SREK1IP1: variants seen among roughly 807,000 people sequenced by gnomAD.
SREK1IP1 encodes the protein SREK1 interacting protein 1.
In SREK1IP1, 12 loss-of-function variants were observed where a neutral mutation model predicts 22.8. The observed-to-expected ratio is 0.53, with a 90% confidence interval of 0.34 to 0.85. The LOEUF (loss-of-function observed/expected upper bound fraction) is 0.85. Among genes scored for constraint, SREK1IP1 ranks in the 40% least tolerant of loss-of-function variants. The probability of loss-of-function intolerance (pLI) is 0.02; values close to 1 mark genes in which losing one functional copy is unlikely to be tolerated. For missense variants in SREK1IP1, 147 were observed against 171.8 expected, an observed-to-expected ratio of 0.86 and a Z score of 0.81; for synonymous variants, 53 against 52.7, an observed-to-expected ratio of 1.01 and a Z score of -0.02.
intron 1 of SREK1IP1, among the ~76,000 whole-genome samples, chr5:64,758,418 G>T (rs571927923): frequency 6.6e-6 from 1 of 151,476 alleles, no homozygotes; most frequent in South Asian, 2.1e-4. Flanking sequence ...TTTGAGCATT[G>T]TACTCTAATC....
At chr5:64,725,992 A>G (rs556756366) in intron 4 of SREK1IP1, among the ~76,000 whole-genome samples, 165 of 151,050 alleles carry the variant, frequency 1.1e-3, no homozygotes, top group African/African-American at 3.7e-3. Context: ...CAGCCTCCCA[A>G]GTAGCTGGGA....
At chr5:64,727,553 A>ATATATATATATTTTTTTTTTTTTTTT in intron 4 of SREK1IP1, 1 of 84,712 alleles carries the variant, frequency 1.2e-5, no homozygotes, top group African/African-American at 5.5e-5. Context: ...ATATATATAT[A>ATATATATATATTTTTTTTTTTTTTTT]TTTTTTTTTT....
chr5:64,765,155 G>A (rs994098937), intron 1 of SREK1IP1: 2 of 152,178 alleles, frequency 1.3e-5, no homozygotes, highest in African/African-American at 4.8e-5. Context: ...TTCAAAGAAA[G>A]TAAATTTCAC....
At chr5:64,733,694 T>C (rs1742413970) in intron 3 of SREK1IP1, among the ~76,000 whole-genome samples, 1 of 152,078 alleles carries the variant, frequency 6.6e-6, no homozygotes, top group Non-Finnish European at 1.5e-5. Context: ...TTCACCCAAA[T>C]CCTGTTTATA....
intron 1 of SREK1IP1, 31 bp from the exon 2 acceptor site, chr5:64,754,393 G>C: frequency 6.2e-7 from 1 of 1,602,132 alleles, no homozygotes; most frequent in South Asian, 1.1e-5. Context: ...ATTTTAGGAA[G>C]TAAATAAATA....
At chr5:64,737,511 A>T (rs1320973623) in intron 3 of SREK1IP1, among the ~76,000 whole-genome samples, 1 of 149,742 alleles carries the variant, frequency 6.7e-6, no homozygotes, top group Non-Finnish European at 1.5e-5. Context: ...TACTGTCAAA[A>T]AAAAAAAAAA....
chr5:64,757,909 G>A (rs1306326766), intron 1 of SREK1IP1, among the ~76,000 whole-genome samples: 14 of 112,224 alleles, frequency 1.2e-4, no homozygotes, highest in East Asian at 3.0e-4. Flanking sequence ...TGCCTCTGTC[G>A]CCCAGGCTGG....
In SREK1IP1 at chr5:64,722,075, T is replaced by C. The variant is rs1008206035; in HGVS notation, c.*2309A>G. ...TTAATTTTCTTCTAAAACATATTCA[T>C]GAGATTTGCATCCAATCTCAATAAT... On this transcript the variant is annotated 3_prime_UTR_variant, in exon 5 of 5. Transcript: ENST00000513458. 1.3e-5 allele frequency: 2 copies of C among 152,168 alleles called. No homozygotes were observed. Among genetic ancestry groups the C allele is most frequent in the African/African-American group, 4.8e-5 (2 of 41,438 alleles). The allele number at this position is 152,168 out of a possible 1,614,324, so 9.4% of individuals were successfully genotyped here.
chr5:64,742,626 A>AAT (rs1742569941), intron 2 of SREK1IP1, among the ~76,000 whole-genome samples: 2 of 152,142 alleles, frequency 1.3e-5, no homozygotes, highest in Admixed American at 1.3e-4. Flanking sequence ...AGACTCTCTA[A>AAT]ATAGAGTTCC....
chr5:64,739,338 C>G (rs6863274), intron 3 of SREK1IP1, among the ~76,000 whole-genome samples: 6,191 of 152,084 alleles, frequency 0.041, 406 homozygotes, highest in African/African-American at 0.14. Context: ...GTTTTACCCT[C>G]TCTAGAAAAT....
At position 64,722,664 on chromosome 5, in the gene SREK1IP1, T is replaced by C. The variant is rs1742188931; in HGVS notation, c.*1720A>G. ...TCCCTAAAAACCTACTGGCTCTGTA[T>C]TTTTTCTCCCAGTAACTGACTGACC... is the stretch of plus-strand genomic sequence containing the variant. On this transcript the variant is annotated 3_prime_UTR_variant, in exon 5 of 5. Coordinates refer to ENST00000513458, the MANE Select transcript of SREK1IP1 (RefSeq NM_173829.4). 1 of 152,210 alleles carries C rather than the reference T, an allele frequency of 6.6e-6. No individual in the cohort carries two copies. The highest frequency in any genetic ancestry group is 6.5e-5 in the Admixed American group (1 of 15,278). The allele number at this position is 152,210 out of a possible 1,614,324, so 9.4% of individuals were successfully genotyped here.
At chr5:64,758,448 C>A (rs1315772552) in intron 1 of SREK1IP1, among the ~76,000 whole-genome samples, 2 of 152,014 alleles carry the variant, frequency 1.3e-5, no homozygotes, top group South Asian at 2.1e-4. Flanking sequence ...CCCTGTAAAC[C>A]CTGTCATAGT....
At chr5:64,736,910 CTCT>C (rs201965351) in intron 3 of SREK1IP1, among the ~76,000 whole-genome samples, 1,542 of 147,546 alleles carry the variant, frequency 0.01, 63 homozygotes, top group Admixed American at 0.076. Context: ...GTAGTTGTCT[CTCT>C]TCTTTTTTTT....
chr5:64,761,297 G>GCTA (rs1202095053), intron 1 of SREK1IP1, among the ~76,000 whole-genome samples: 1 of 152,166 alleles, frequency 6.6e-6, no homozygotes, highest in Non-Finnish European at 1.5e-5. Flanking sequence ...ATGGAGAGTT[G>GCTA]CTAAGAGGTG....
At chr5:64,738,677 C>T (rs577113959) in intron 3 of SREK1IP1, among the ~76,000 whole-genome samples, 2 of 152,160 alleles carry the variant, frequency 1.3e-5, no homozygotes, top group East Asian at 3.9e-4. Context: ...GGAATAAACC[C>T]ATGCATATAT....
chr5:64,735,120 G>A (rs1038432160), intron 3 of SREK1IP1, among the ~76,000 whole-genome samples: 3 of 151,466 alleles, frequency 2.0e-5, no homozygotes, highest in Non-Finnish European at 4.4e-5. Context: ...AGAAGTATAT[G>A]ATGGACTTGC....
rs1036391557 is a variant in SREK1IP1 at position 64,723,527 on chromosome 5, T to C, written c.*857A>G. 3 of 152,604 alleles carry C rather than the reference T, an allele frequency of 2.0e-5. No individual in the cohort carries two copies. The highest frequency in any genetic ancestry group is 4.4e-5 in the Non-Finnish European group (3 of 68,022). The allele number at this position is 152,604 out of a possible 1,614,324, so 9.5% of individuals were successfully genotyped here. A position where few individuals can be genotyped will look rare whatever the true frequency, so the allele number is the denominator to read the frequency against. On this transcript the variant is annotated 3_prime_UTR_variant, in exon 5 of 5. Transcript: ENST00000513458. ...CAATAAAAATCAGTTCTAATAAAGA[T>C]TTAGCTATCTTCCTAAATAAAAATT... is the stretch of plus-strand genomic sequence containing the variant.
At chr5:64,735,049 A>G (rs1742437041) in intron 3 of SREK1IP1, among the ~76,000 whole-genome samples, 1 of 151,982 alleles carries the variant, frequency 6.6e-6, no homozygotes, top group African/African-American at 2.4e-5. Context: ...GGTTTTTTAT[A>G]GATTTTGTAT....
intron 1 of SREK1IP1, among the ~76,000 whole-genome samples, chr5:64,758,013 C>T (rs1402069197): frequency 2.0e-5 from 3 of 151,058 alleles, no homozygotes; most frequent in Non-Finnish European, 4.4e-5. Flanking sequence ...GCTGGGACTA[C>T]AGGCGCCCGC....
Sources: allele counts gnomAD v4.1 joint callset (sites outside exome capture counted in the v4.1 genomes callset), GRCh38; gene constraint gnomAD v4.1.1; transcripts MANE v1.5; gene names NCBI Gene and HGNC (gene_info 2026-07-23, HGNC 2026-07-21).